Variants in EYA3 observed in about 807,000 individuals in gnomAD.
EYA3 encodes protein phosphatase EYA3.
A neutral mutation model predicts 80.0 loss-of-function variants in EYA3; 39 were observed. The observed-to-expected ratio is 0.49, with a 90% CI of 0.38 to 0.64. The LOEUF is 0.64. Ranked by LOEUF, EYA3 falls within the 30% of genes least tolerant of loss-of-function variation. The pLI is 0.00. For missense variants in EYA3, 523 were observed against 676.1 expected, an observed-to-expected ratio of 0.77 and a Z score of 2.51; for synonymous variants, 206 against 232.8, an observed-to-expected ratio of 0.88 and a Z score of 1.05.
intron 8 of EYA3, among the ~76,000 whole-genome samples, chr1:28,015,486 G>A (rs568875232): frequency 2.7e-4 from 41 of 152,206 alleles, no homozygotes; most frequent in African/African-American, 9.1e-4. Flanking sequence ...CAGAGATTGC[G>A]CCACTGCACT....
intron 10 of EYA3, among the ~76,000 whole-genome samples, chr1:28,006,579 G>T (rs35378869): frequency 0.18 from 26,890 of 151,932 alleles, 3,009 homozygotes; most frequent in East Asian, 0.25. Context: ...GGTGGCACGC[G>T]CCTGTAATCC....
chr1:28,022,508 G>T (rs1642508734), intron 7 of EYA3, among the ~76,000 whole-genome samples: 1 of 152,130 alleles, frequency 6.6e-6, no homozygotes, highest in Non-Finnish European at 1.5e-5. Context: ...GGTTTAGAAT[G>T]ATCTATGTAA....
chr1:28,007,043 C>T (rs187557958), intron 10 of EYA3, among the ~76,000 whole-genome samples: 1,820 of 145,870 alleles, frequency 0.012, 18 homozygotes, highest in African/African-American at 0.028. Context: ...TAGGTTCAAG[C>T]GATTCTCCTG....
intron 10 of EYA3, among the ~76,000 whole-genome samples, chr1:28,007,132 G>C (rs1488904600): frequency 2.6e-5 from 4 of 151,462 alleles, no homozygotes. Context: ...TGTACTTTCA[G>C]TAGAGACAGG....
chr1:28,023,400 A>G (rs1642578482), intron 7 of EYA3, among the ~76,000 whole-genome samples: 1 of 152,196 alleles, frequency 6.6e-6, no homozygotes, highest in African/African-American at 2.4e-5. Flanking sequence ...TACAGTACAG[A>G]AAGGGAGGAA....
chr1:28,054,004 G>A (rs760154884), intron 2 of EYA3, among the ~76,000 whole-genome samples: 5 of 152,118 alleles, frequency 3.3e-5, no homozygotes, highest in South Asian at 2.1e-4. Context: ...GGTAAAAGTC[G>A]TCATGGAGAC....
chr1:28,023,085 G>C (rs1315162164), intron 7 of EYA3, among the ~76,000 whole-genome samples: 2 of 1,470 alleles, frequency 1.4e-3, no homozygotes, highest in African/African-American at 1.4e-3. Flanking sequence ...TGCTGGGTGG[G>C]GGGGGGGGGG....
chr1:28,083,604 T>C (rs1381758696), intron 1 of EYA3, among the ~76,000 whole-genome samples: 2 of 152,222 alleles, frequency 1.3e-5, no homozygotes, highest in Non-Finnish European at 2.9e-5. Context: ...AAATAGTTCC[T>C]GGTACATAGT....
intron 1 of EYA3, among the ~76,000 whole-genome samples, chr1:28,073,119 ATATATATATTTTTTTT>A (rs1645078937): frequency 2.1e-5 from 1 of 47,422 alleles, no homozygotes; most frequent in Non-Finnish European, 3.9e-5. Flanking sequence ...ATATATATAT[ATATATATATTTTTTTT>A]TTTTTTTTTT....
intron 1 of EYA3, among the ~76,000 whole-genome samples, chr1:28,086,186 A>C (rs1645643891): frequency 6.6e-6 from 1 of 152,188 alleles, no homozygotes; most frequent in Non-Finnish European, 1.5e-5. Flanking sequence ...ACTTAAAAAA[A>C]AATGACCTTG....
Position 28,035,586 on chromosome 1 carries a change from C to G in EYA3, c.319G>C (p.Val107Leu), listed in dbSNP as rs753685859. The G allele has an allele frequency of 1.2e-6, 2 of 1,614,030 alleles. No homozygotes were observed. The highest frequency in any genetic ancestry group is 8.5e-7 in the Non-Finnish European group (1 of 1,179,978). The change falls in exon 6 of 18, where the codon GTC (valine) becomes CTC (leucine). Residue 107 changes from valine to leucine, a missense_variant. Val to Leu is a conservative substitution (Grantham distance 32). Around this residue, in one of 2 missense-constraint regions of EYA3, gnomAD observed 304 missense variants for 343.3 expected, o/e 0.89. Coordinates refer to ENST00000373871, the MANE Select transcript of EYA3 (RefSeq NM_001990.4). ...TACGTTTGGGTTGCCTGAGGGTAGA[C>G]AGCATAGGGTTGAGTCTGCTGTAGT... is the stretch of plus-strand genomic sequence containing the variant. ...QTLQQTQPYA[V>L]YPQATQTYGL...
rs191066094 is a variant in EYA3 at position 27,996,052 on chromosome 1, T to C, written c.1142+1268A>G. On this transcript the variant is annotated intron_variant, in intron 13 of 17. Transcript: ENST00000373871. ...CACGCCTGGCTAATTTTTGTATTTT[T>C]AGTAGAGACGGGGTTTCGCCATGTT... is the stretch of plus-strand genomic sequence containing the variant. 7.2e-5 allele frequency among the ~76,000 whole-genome samples: 11 copies of C among 152,256 alleles called. No individual in the cohort carries two copies. In the East Asian group the frequency reaches 2.1e-3, roughly 29 times the overall value.
chr1:28,019,775 C>T (rs1557577318), intron 7 of EYA3, among the ~76,000 whole-genome samples: 1 of 152,098 alleles, frequency 6.6e-6, no homozygotes, highest in East Asian at 1.9e-4. Flanking sequence ...AGTCTCGGCT[C>T]ACTGCAACCT....
At chr1:27,984,501 G>A (rs531807100) in intron 16 of EYA3, among the ~76,000 whole-genome samples, 13 of 151,698 alleles carry the variant, frequency 8.6e-5, no homozygotes, top group African/African-American at 2.4e-4. Flanking sequence ...TACCTTTTGC[G>A]GTAAGTTTTT....
intron 5 of EYA3, among the ~76,000 whole-genome samples, 178 bp from the exon 6 acceptor site, chr1:28,035,858 A>T (rs565380489): frequency 2.0e-5 from 3 of 152,328 alleles, no homozygotes; most frequent in Non-Finnish European, 4.4e-5. Flanking sequence ...TCTGTCGCCC[A>T]GGCTGGAGTG....
At chr1:28,067,789 C>T (rs1644884923) in intron 1 of EYA3, among the ~76,000 whole-genome samples, 3 of 152,180 alleles carry the variant, frequency 2.0e-5, no homozygotes, top group Admixed American at 2.0e-4. Flanking sequence ...GAAGAGACTT[C>T]ACATTTGGTT....
intron 9 of EYA3, 88 bp from the exon 10 acceptor site, chr1:28,011,174 T>TGTGA: frequency 7.2e-7 from 1 of 1,385,452 alleles, no homozygotes; most frequent in Non-Finnish European, 9.8e-7. Context: ...TCTCTGCCCT[T>TGTGA]GTGAGTCATA....
chr1:28,081,802 G>T (rs2097586992), intron 1 of EYA3, among the ~76,000 whole-genome samples: 1 of 152,144 alleles, frequency 6.6e-6, no homozygotes, highest in Admixed American at 6.5e-5. Flanking sequence ...TAGTAACGGT[G>T]CTGATAGCAA....
chr1:27,993,087 T>C (rs1426278674), intron 14 of EYA3, among the ~76,000 whole-genome samples: 1 of 152,162 alleles, frequency 6.6e-6, no homozygotes, highest in African/African-American at 2.4e-5. Flanking sequence ...TGGCACCCTA[T>C]TAACTAGCGT....
Sources: gnomAD v4.1 joint callset for allele counts (sites outside exome capture counted in the v4.1 genomes callset) on GRCh38, gnomAD v4.1.1 for gene constraint, gnomAD v4.1.1 regional missense constraint, MANE v1.5 for transcripts, NCBI Gene and HGNC (gene_info 2026-07-23, HGNC 2026-07-21) for gene names.